Variants in RP1 observed in about 807,000 individuals in gnomAD.
The protein encoded by RP1 is RP1 axonemal microtubule associated.
A neutral mutation model predicts 14.8 loss-of-function variants in RP1; 16 were observed. That is an observed-to-expected ratio of 1.08 (90% CI 0.73 to 1.65). RP1 has a LOEUF of 1.65. RP1 is among the 40% of genes most tolerant of loss of function. The pLI, the probability that RP1 is intolerant of heterozygous loss-of-function variation, is 0.00. For missense variants in RP1, 2,631 were observed against 2,535.0 expected (o/e 1.04, Z -0.81); for synonymous variants, 876 against 883.6 (o/e 0.99, Z 0.15).
At chr8:54,843,547 G>C (rs1373511279) in intron 25 of RP1, among the ~76,000 whole-genome samples, 1 of 152,148 alleles carries the variant, frequency 6.6e-6, no homozygotes, top group African/African-American at 2.4e-5. Context: ...TTTGCCATCT[G>C]TTCCTGAGAT....
intron 8 of RP1, among the ~76,000 whole-genome samples, chr8:54,678,094 A>G (rs1200751086): frequency 6.6e-6 from 1 of 152,214 alleles, no homozygotes; most frequent in Non-Finnish European, 1.5e-5. Context: ...TCCTGGAAGT[A>G]GAAAGTGTTG....
intron 25 of RP1, among the ~76,000 whole-genome samples, chr8:54,848,827 C>T (rs1446611955): frequency 6.6e-6 from 1 of 152,198 alleles, no homozygotes; most frequent in Non-Finnish European, 1.5e-5. Context: ...CGGCTCACTG[C>T]AACCTCCACC....
chr8:54,746,264 T>C (rs1356884739), intron 19 of RP1, among the ~76,000 whole-genome samples: 1 of 152,210 alleles, frequency 6.6e-6, no homozygotes, highest in African/African-American at 2.4e-5. Flanking sequence ...GTTTTTGACA[T>C]AGCATTTTGA....
chr8:54,706,986 G>T (rs1035913118), intron 15 of RP1, among the ~76,000 whole-genome samples: 4 of 152,152 alleles, frequency 2.6e-5, no homozygotes, highest in African/African-American at 7.2e-5. Flanking sequence ...GCTGATGCTG[G>T]TCCATGAATG....
chr8:54,568,615 G>A (rs779218261), intron 1 of RP1, among the ~76,000 whole-genome samples: 82 of 152,210 alleles, frequency 5.4e-4, no homozygotes, highest in African/African-American at 1.9e-3. Flanking sequence ...TCTGGGCAAG[G>A]ACATTAAGAC....
At chr8:54,717,055 G>A (rs1808421024) in intron 15 of RP1, among the ~76,000 whole-genome samples, 1 of 152,038 alleles carries the variant, frequency 6.6e-6, no homozygotes, top group African/African-American at 2.4e-5. Flanking sequence ...TTGTGGGGTG[G>A]CAGTTTTCTC....
intron 17 of RP1, chr8:54,726,614 TCTTG>T (rs1808661644): frequency 1.2e-6 from 1 of 803,318 alleles, no homozygotes; most frequent in South Asian, 4.5e-5. Flanking sequence ...TAAGCTGTTA[TCTTG>T]CTTTTTTATG....
intron 5 of RP1, chr8:54,656,075 T>C: frequency 6.6e-7 from 1 of 1,504,880 alleles, no homozygotes; most frequent in Non-Finnish European, 8.8e-7. Flanking sequence ...ATATTATTGT[T>C]ATTATAGATA....
intron 23 of RP1, among the ~76,000 whole-genome samples, chr8:54,782,687 G>A (rs141453153): frequency 6.6e-6 from 1 of 151,940 alleles, no homozygotes; most frequent in Non-Finnish European, 1.5e-5. Context: ...GGGTGAGAGG[G>A]GTTCATTGCT....
chr8:54,568,229 A>C (rs1299243267), intron 1 of RP1, among the ~76,000 whole-genome samples: 1 of 152,204 alleles, frequency 6.6e-6, no homozygotes, highest in Non-Finnish European at 1.5e-5. Flanking sequence ...AGTGATTGGA[A>C]CAGTGACATG....
intron 9 of RP1, among the ~76,000 whole-genome samples, chr8:54,678,951 A>G (rs902552200): frequency 1.3e-5 from 2 of 152,068 alleles, no homozygotes; most frequent in African/African-American, 2.4e-5. Flanking sequence ...TTGATTTTTG[A>G]GTTATTTTCC....
intron 19 of RP1, chr8:54,754,667 A>G: frequency 2.4e-6 from 2 of 840,146 alleles, no homozygotes; most frequent in East Asian, 3.2e-5. Context: ...GACTACTACT[A>G]CTAACAACCA....
At chr8:54,587,630 G>T (rs1193171643) in intron 1 of RP1, among the ~76,000 whole-genome samples, 1 of 152,160 alleles carries the variant, frequency 6.6e-6, no homozygotes, top group African/African-American at 2.4e-5. Flanking sequence ...GCTGCAAGGG[G>T]TGACCATTTC....
At chr8:54,580,722 G>T (rs1032963999) in intron 1 of RP1, among the ~76,000 whole-genome samples, 1 of 151,390 alleles carries the variant, frequency 6.6e-6, no homozygotes, top group East Asian at 1.9e-4. Flanking sequence ...GGGTTCAAGT[G>T]ATTCTCCTGC....
rs540022577 is a variant in RP1 at position 54,863,328 on chromosome 8, T to A, written c.4070-2507T>A. On this transcript the variant is annotated intron_variant, in intron 27 of 28. Coordinates refer to the RP1 transcript ENST00000637698. ...GGTTATAGCCTAAGAGTATAGGCTG[T>A]GCCATATCACCTAGGTGTGTAGTAG... Among the ~76,000 whole-genome samples the A allele has an allele frequency of 5.3e-3, 814 of 152,268 alleles. 7 individuals carry two copies. Among genetic ancestry groups the A allele is most frequent in the Non-Finnish European group, 9.4e-3 (636 of 68,012 alleles).
chr8:54,569,192 C>A (rs1214722820), intron 1 of RP1, among the ~76,000 whole-genome samples: 2 of 152,174 alleles, frequency 1.3e-5, no homozygotes, highest in Admixed American at 6.5e-5. Context: ...GGGGAGCAGT[C>A]ATGGAGGGCC....
At chr8:54,692,006 C>A (rs571119742) in intron 12 of RP1, among the ~76,000 whole-genome samples, 2 of 151,906 alleles carry the variant, frequency 1.3e-5, no homozygotes, top group East Asian at 3.9e-4. Context: ...GTGATGTTCC[C>A]CTTCCTGTGT....
downstream of RP1, among the ~76,000 whole-genome samples, chr8:54,772,377 T>G (rs1809930490): frequency 6.6e-6 from 1 of 152,026 alleles, no homozygotes; most frequent in Non-Finnish European, 1.5e-5. Context: ...AAAATAAGTT[T>G]AAATTCTAGT....
Position 54,843,099 on chromosome 8 carries a change from T to C in RP1, c.3835+5430T>C, listed in dbSNP as rs556298194. Among the ~76,000 whole-genome samples the C allele has an allele frequency of 1.4e-4, 21 of 152,156 alleles. No homozygotes were observed. In the South Asian group the frequency reaches 4.4e-3, roughly 32 times the overall value. On this transcript the variant is annotated intron_variant, in intron 25 of 28. Coordinates refer to the RP1 transcript ENST00000637698. ...AGACAGAGTGTTGCCCAGGCTGGAG[T>C]GCTGTGGTGCAATTTCAGCTCCACT... is the stretch of plus-strand genomic sequence containing the variant.
Sources: allele counts gnomAD v4.1 joint callset (sites outside exome capture counted in the v4.1 genomes callset), GRCh38; gene constraint gnomAD v4.1.1; transcripts MANE v1.5; gene names NCBI Gene and HGNC (gene_info 2026-07-23, HGNC 2026-07-21).